Variants in TENM3 observed in about 807,000 individuals in gnomAD.
The protein encoded by TENM3 is teneurin transmembrane protein 3, also known as teneurin-3.
In TENM3, 63 loss-of-function variants were observed where a neutral mutation model predicts 255.1. The observed-to-expected ratio is 0.25, with a 90% CI of 0.20 to 0.30. The LOEUF (loss-of-function observed/expected upper bound fraction) is 0.30. TENM3 is among the 10% of genes least tolerant of loss of function. The pLI is 1.00. For synonymous variants in TENM3, 1,306 were observed against 1,322.3 expected (o/e 0.99, Z 0.27); for missense variants, 2,929 against 3,461.1 (o/e 0.85, Z 3.86).
At chr4:182,780,020 A>C (rs1579476093) in intron 24 of TENM3, among the ~76,000 whole-genome samples, 2 of 150,728 alleles carry the variant, frequency 1.3e-5, no homozygotes, top group South Asian at 4.2e-4. Flanking sequence ...GTTCACTCTG[A>C]TGGTAGTTTC....
the TENM3 span, among the ~76,000 whole-genome samples, chr4:181,546,790 A>G: frequency 6.6e-6 from 1 of 150,494 alleles, no homozygotes; most frequent in African/African-American, 2.4e-5. Flanking sequence ...GAAGTTAGAT[A>G]CTGCACAGTT....
chr4:181,592,017 A>G, the TENM3 span, among the ~76,000 whole-genome samples: 1 of 152,182 alleles, frequency 6.6e-6, no homozygotes, highest in African/African-American at 2.4e-5. Context: ...GGGAAATGAA[A>G]ACTAATCTTC....
the TENM3 span, among the ~76,000 whole-genome samples, chr4:181,608,719 G>T: frequency 6.6e-6 from 1 of 152,178 alleles, no homozygotes; most frequent in Non-Finnish European, 1.5e-5. Context: ...ATGTTATCAA[G>T]TGCGTATGAA....
the TENM3 span, among the ~76,000 whole-genome samples, chr4:182,118,143 T>A: frequency 6.6e-6 from 1 of 152,114 alleles, no homozygotes; most frequent in Non-Finnish European, 1.5e-5. Flanking sequence ...ATAATTATGA[T>A]GATTATCATT....
the TENM3 span, among the ~76,000 whole-genome samples, chr4:181,699,472 A>AAAAAAAAAAAAAAAT: frequency 7.5e-6 from 1 of 132,998 alleles, no homozygotes; most frequent in African/African-American, 3.0e-5. Flanking sequence ...AAAAAAAAAA[A>AAAAAAAAAAAAAAAT]GAAAGAAAGA....
rs1764847081 is a variant in TENM3, at chr4:182,346,807, A to T, written c.389A>T (p.His130Leu). The part of the protein sequence containing the change: ...TENEAVMSPE[H>L]AMRLWGRGVK... ...AATGAAGCAGTGATGTCCCCAGAGC[A>T]TGCCATGAGACTTTGGGGCAGGGGG... Residue 130 changes from histidine (H) to leucine (L), a missense_variant, in exon 3 of 28, where the codon CAT becomes CTT. Physicochemically the swap from His to Leu is moderately conservative, Grantham distance 99. Coordinates refer to ENST00000511685, the MANE Select transcript of TENM3 (RefSeq NM_001080477.4). 1 of 1,613,520 alleles carries T rather than the reference A, an allele frequency of 6.2e-7. No individual in the cohort carries two copies. The highest frequency in any genetic ancestry group is 8.5e-7 in the Non-Finnish European group (1 of 1,179,718).
chr4:181,668,216 C>T, the TENM3 span, among the ~76,000 whole-genome samples: 145 of 152,274 alleles, frequency 9.5e-4, no homozygotes, highest in Non-Finnish European at 1.5e-3. Flanking sequence ...TCAAATATAA[C>T]GTCCACAGTT....
the TENM3 span, among the ~76,000 whole-genome samples, chr4:182,060,635 A>G: frequency 6.6e-6 from 1 of 152,276 alleles, no homozygotes; most frequent in African/African-American, 2.4e-5. Context: ...GTTACCTAGA[A>G]CCATCACCTA....
the TENM3 span, among the ~76,000 whole-genome samples, chr4:181,885,933 A>C: frequency 6.6e-6 from 1 of 151,944 alleles, no homozygotes; most frequent in Non-Finnish European, 1.5e-5. Context: ...AGTCCCACAC[A>C]TGTGTTTTTA....
At chr4:182,014,801 A>G in the TENM3 span, among the ~76,000 whole-genome samples, 1 of 152,148 alleles carries the variant, frequency 6.6e-6, no homozygotes, top group Non-Finnish European at 1.5e-5. Context: ...GGCTCTGAGC[A>G]CAGGAGAGCA....
chr4:181,856,790 A>T, the TENM3 span, among the ~76,000 whole-genome samples: 1 of 152,006 alleles, frequency 6.6e-6, no homozygotes, highest in Non-Finnish European at 1.5e-5. Flanking sequence ...TGCTCTGTAC[A>T]CACCAGAGGA....
chr4:181,583,767 C>T, the TENM3 span, among the ~76,000 whole-genome samples: 17 of 152,280 alleles, frequency 1.1e-4, no homozygotes, highest in South Asian at 1.9e-3. Context: ...CCTTTCGAAA[C>T]GTTCAGACAC....
At chr4:181,473,495 G>T in the TENM3 span, among the ~76,000 whole-genome samples, 1 of 152,064 alleles carries the variant, frequency 6.6e-6, no homozygotes, top group African/African-American at 2.4e-5. Context: ...AGGAGGCTGA[G>T]GTCGGAGACT....
intron 2 of TENM3, among the ~76,000 whole-genome samples, chr4:182,326,693 A>C (rs1048705004): frequency 2.0e-5 from 3 of 148,878 alleles, no homozygotes; most frequent in African/African-American, 7.5e-5. Context: ...CACCACCACC[A>C]TGCCAGGGTA....
chr4:181,813,787 C>T, the TENM3 span, among the ~76,000 whole-genome samples: 19 of 152,260 alleles, frequency 1.2e-4, no homozygotes, highest in African/African-American at 4.1e-4. Context: ...CTCTGAGTCT[C>T]ATCTTACGGA....
chr4:181,565,220 A>T, the TENM3 span, among the ~76,000 whole-genome samples: 1 of 152,232 alleles, frequency 6.6e-6, no homozygotes, highest in Non-Finnish European at 1.5e-5. Flanking sequence ...GACCTTCATC[A>T]GAGGGCAAAC....
chr4:181,873,097 T>A, the TENM3 span, among the ~76,000 whole-genome samples: 1 of 152,050 alleles, frequency 6.6e-6, no homozygotes, highest in Non-Finnish European at 1.5e-5. Context: ...AGATGGAGTA[T>A]CGCTTTGTCG....
the TENM3 span, among the ~76,000 whole-genome samples, chr4:181,451,050 A>T: frequency 6.6e-6 from 1 of 152,194 alleles, no homozygotes; most frequent in African/African-American, 2.4e-5. Context: ...CTGAGTGATG[A>T]AAAAACTAAA....
intron 1 of TENM3, among the ~76,000 whole-genome samples, chr4:182,229,375 CAG>C (rs1448330650): frequency 1.3e-5 from 2 of 152,098 alleles, no homozygotes; most frequent in African/African-American, 4.8e-5. Context: ...CATCTATAAG[CAG>C]AGTCTTACGG....
Sources: gnomAD v4.1 joint callset for allele counts (sites outside exome capture counted in the v4.1 genomes callset) on GRCh38, gnomAD v4.1.1 for gene constraint, MANE v1.5 for transcripts, NCBI Gene and HGNC (gene_info 2026-07-23, HGNC 2026-07-21) for gene names.